The following ST18 variants were observed in gnomAD, a reference collection of about 807,000 sequenced individuals.
ST18 encodes the protein suppression of tumorigenicity 18 protein.
ST18 carries 50 observed loss-of-function variants against 110.0 expected under a neutral mutation model. That is an observed-to-expected ratio of 0.45 (90% CI 0.36 to 0.58). The LOEUF (loss-of-function observed/expected upper bound fraction) is 0.58. ST18 is among the 20% of genes least tolerant of loss of function. ST18 has a pLI of 0.00. For synonymous variants in ST18, 461 were observed against 452.4 expected, an observed-to-expected ratio of 1.02 and a Z score of -0.24; for missense variants, 1,306 against 1,280.1, an observed-to-expected ratio of 1.02 and a Z score of -0.31.
intron 2 of ST18, among the ~76,000 whole-genome samples, chr8:52,362,254 C>A (rs1237852814): frequency 1.3e-5 from 2 of 152,072 alleles, no homozygotes; most frequent in African/African-American, 4.8e-5. Context: ...AGGTACATTG[C>A]ATAAATATAA....
chr8:52,408,478 T>C lies in ST18; in HGVS notation c.-465+850A>G, dbSNP rs549185185. On this transcript the variant is annotated intron_variant, in intron 2 of 25. Coordinates refer to ENST00000689386, the MANE Select transcript of ST18 (RefSeq NM_001352837.2). ...AACCCACAGTCACGAGACAGAAAACTGTACAACCCTGAGAATCAACAGCTA... is the reference window on the plus strand; with the variant it reads ...AACCCACAGTCACGAGACAGAAAACCGTACAACCCTGAGAATCAACAGCTA... Among the ~76,000 whole-genome samples the C allele has an allele frequency of 2.9e-3, 437 of 152,316 alleles. 2 individuals are homozygous for C. Among genetic ancestry groups the C allele is most frequent in the African/African-American group, 9.9e-3 (413 of 41,576 alleles).
intron 9 of ST18, among the ~76,000 whole-genome samples, chr8:52,174,102 G>T (rs1195202035): frequency 1.3e-5 from 2 of 152,156 alleles, no homozygotes; most frequent in African/African-American, 4.8e-5. Flanking sequence ...TGATTATAGG[G>T]TGCAGTCTTT....
At chr8:52,144,322 G>A (rs1052542568) in intron 16 of ST18, among the ~76,000 whole-genome samples, 6 of 151,566 alleles carry the variant, frequency 4.0e-5, no homozygotes, top group South Asian at 2.1e-4. Flanking sequence ...ATTTTGAATC[G>A]TTCAAAATAA....
rs144314583 is a variant in ST18 at position 52,319,030 on chromosome 8, C to T, written c.-464-88953G>A. Among the ~76,000 whole-genome samples, 853 of 152,162 alleles carry T rather than the reference C, an allele frequency of 5.6e-3. 5 individuals are homozygous for T. The highest frequency in any genetic ancestry group is 0.02 in the African/African-American group (809 of 41,486). The stretch of plus-strand genomic sequence containing the variant: ...ATCTGTGCAGCAAACCACCATGGCA[C>T]ATGTTTACTTATGTAACAAGCCTAC... On this transcript the variant is annotated intron_variant, in intron 2 of 25. Transcript: ENST00000689386.
At chr8:52,269,764 T>G (rs1271074299) in intron 2 of ST18, among the ~76,000 whole-genome samples, 1 of 152,236 alleles carries the variant, frequency 6.6e-6, no homozygotes, top group South Asian at 2.1e-4. Context: ...ACAGATGCCC[T>G]TATTTTACAG....
At chr8:52,198,135 T>G (rs961463278) in intron 8 of ST18, among the ~76,000 whole-genome samples, 2 of 152,024 alleles carry the variant, frequency 1.3e-5, no homozygotes, top group African/African-American at 4.8e-5. Context: ...GCCTCCTGAG[T>G]AGCTGGGACT....
At chr8:52,363,739 G>T (rs376079773) in intron 2 of ST18, among the ~76,000 whole-genome samples, 3 of 150,926 alleles carry the variant, frequency 2.0e-5, no homozygotes, top group Non-Finnish European at 3.0e-5. Context: ...AATTCAAGTG[G>T]TTTTTTTTTC....
At chr8:52,273,866 T>G (rs2095153949) in intron 2 of ST18, among the ~76,000 whole-genome samples, 2 of 152,212 alleles carry the variant, frequency 1.3e-5, no homozygotes, top group Admixed American at 1.3e-4. Context: ...TGTTGCAACA[T>G]GCATACAGTG....
intron 2 of ST18, among the ~76,000 whole-genome samples, chr8:52,257,824 G>C: frequency 6.7e-6 from 1 of 148,788 alleles, no homozygotes; most frequent in East Asian, 1.9e-4. Context: ...AATTATTTGT[G>C]CTTTGGTGTC....
At chr8:52,187,314 T>C (rs1475378952) in intron 8 of ST18, among the ~76,000 whole-genome samples, 2 of 152,222 alleles carry the variant, frequency 1.3e-5, no homozygotes, top group Non-Finnish European at 2.9e-5. Flanking sequence ...ATTATATCTC[T>C]AAAGCTCAGA....
At chr8:52,380,632 T>A (rs540973032) in intron 2 of ST18, among the ~76,000 whole-genome samples, 76 of 152,236 alleles carry the variant, frequency 5.0e-4, no homozygotes, top group African/African-American at 1.8e-3. Context: ...GTTAGAAATA[T>A]CTTCCCATAT....
chr8:52,209,788 A>ATATATAT (rs61437354), intron 8 of ST18, among the ~76,000 whole-genome samples: 22 of 105,684 alleles, frequency 2.1e-4, no homozygotes, highest in African/African-American at 5.9e-4. Context: ...AAAAAAAAAA[A>ATATATAT]ATATATATAT....
chr8:52,137,493 T>G lies in ST18; in HGVS notation c.2169-10A>C, dbSNP rs372843807. The G allele has an allele frequency of 1.2e-6, 2 of 1,613,854 alleles. No homozygotes were observed. Among genetic ancestry groups the G allele is most frequent in the African/African-American group, 2.7e-5 (2 of 74,928 alleles). On this transcript the variant is annotated splice_polypyrimidine_tract_variant and intron_variant, in intron 17 of 25. Transcript: ENST00000689386. ...TCCTGGTGTTGGACAGCTGAGTCAA[T>G]AGAAAATACATCATTAGAGTCAAGC...
chr8:52,164,159 T>TGTGCTGTGAGG, intron 12 of ST18, 69 bp from the exon 13 acceptor site: 1 of 1,285,810 alleles, frequency 7.8e-7, no homozygotes, highest in Non-Finnish European at 1.1e-6. Flanking sequence ...GGCATGTGCC[T>TGTGCTGTGAGG]CACAGCACAC....
chr8:52,210,519 G>A (rs1198988751), intron 8 of ST18, among the ~76,000 whole-genome samples: 1 of 151,838 alleles, frequency 6.6e-6, no homozygotes, highest in African/African-American at 2.4e-5. Flanking sequence ...TTAGCCGGGT[G>A]TGGTGGCACA....
intron 2 of ST18, among the ~76,000 whole-genome samples, chr8:52,312,284 C>T (rs1032749874): frequency 1.3e-5 from 2 of 152,196 alleles, no homozygotes; most frequent in Admixed American, 1.3e-4. Flanking sequence ...CATGACCCTT[C>T]AGGGAAGCAC....
intron 23 of ST18, among the ~76,000 whole-genome samples, chr8:52,125,091 G>T (rs1302620132): frequency 6.6e-6 from 1 of 152,144 alleles, no homozygotes; most frequent in Non-Finnish European, 1.5e-5. Flanking sequence ...ACAGGCCCCA[G>T]ATAATGCTCA....
intron 9 of ST18, among the ~76,000 whole-genome samples, chr8:52,179,221 A>T (rs192158099): frequency 5.0e-4 from 76 of 152,284 alleles, no homozygotes; most frequent in African/African-American, 1.8e-3. Context: ...GCTTCGCCTT[A>T]TGCACAAAGT....
chr8:52,366,060 G>T (rs1025299085), intron 2 of ST18, among the ~76,000 whole-genome samples: 1 of 152,118 alleles, frequency 6.6e-6, no homozygotes, highest in African/African-American at 2.4e-5. Context: ...CTTTACAAAT[G>T]AGGTGAATGA....
Sources: gnomAD v4.1 joint callset for allele counts (sites outside exome capture counted in the v4.1 genomes callset) on GRCh38, gnomAD v4.1.1 for gene constraint, MANE v1.5 for transcripts, NCBI Gene and HGNC (gene_info 2026-07-23, HGNC 2026-07-21) for gene names.